The following RIMS2 variants were observed in gnomAD, a reference collection of about 807,000 sequenced individuals.
RIMS2 encodes the protein regulating synaptic membrane exocytosis protein 2.
RIMS2 carries 59 observed loss-of-function variants against 174.4 expected under a neutral mutation model. The ratio of observed to expected loss-of-function variants is 0.34; its 90% CI spans 0.27 to 0.42. The LOEUF is 0.42. RIMS2 is among the 10% of genes least tolerant of loss of function. The pLI, the probability that RIMS2 is intolerant of heterozygous loss-of-function variation, is 1.00. For synonymous variants in RIMS2, 606 were observed against 572.5 expected (o/e 1.06, Z -0.84); for missense variants, 1,620 against 1,666.3 (o/e 0.97, Z 0.48).
chr8:103,671,251 A>G (rs2096740800), intron 1 of RIMS2, among the ~76,000 whole-genome samples: 2 of 152,168 alleles, frequency 1.3e-5, no homozygotes, highest in African/African-American at 4.8e-5. Context: ...CGTGGGAATT[A>G]TGGGAGCTAC....
chr8:103,561,025 T>C (rs952043264), intron 1 of RIMS2, among the ~76,000 whole-genome samples: 1 of 152,200 alleles, frequency 6.6e-6, no homozygotes, highest in Non-Finnish European at 1.5e-5. Context: ...CTTAGGTTGG[T>C]TTTAAAATTT....
intron 3 of RIMS2, among the ~76,000 whole-genome samples, chr8:103,838,007 C>T (rs1478084064): frequency 2.0e-5 from 3 of 150,154 alleles, no homozygotes; most frequent in Non-Finnish European, 4.4e-5. Flanking sequence ...AGTGCAGTGG[C>T]AGGATCTCCA....
intron 19 of RIMS2, among the ~76,000 whole-genome samples, chr8:104,143,395 GT>G (rs1177577446): frequency 6.6e-6 from 1 of 151,776 alleles, no homozygotes; most frequent in African/African-American, 2.4e-5. Flanking sequence ...TTTTGTTGCT[GT>G]TTTTTTTCCT....
At chr8:104,157,582 C>G (rs2134438901) in intron 19 of RIMS2, among the ~76,000 whole-genome samples, 1 of 152,254 alleles carries the variant, frequency 6.6e-6, no homozygotes, top group Non-Finnish European at 1.5e-5. Flanking sequence ...CCTTAGTAAC[C>G]ACCATTTTAC....
intron 3 of RIMS2, among the ~76,000 whole-genome samples, chr8:103,825,462 T>G (rs74643414): frequency 3.3e-5 from 5 of 150,416 alleles, no homozygotes; most frequent in African/African-American, 4.9e-5. Context: ...TTTTTTTTTT[T>G]TTGTTAGAGA....
intron 19 of RIMS2, among the ~76,000 whole-genome samples, chr8:104,116,950 T>C (rs1277125084): frequency 6.6e-6 from 1 of 151,938 alleles, no homozygotes; most frequent in East Asian, 1.9e-4. Flanking sequence ...CTGAGTAACA[T>C]CAATAACTAT....
At chr8:103,883,604 A>T (rs2099181658) in intron 3 of RIMS2, among the ~76,000 whole-genome samples, 1 of 151,898 alleles carries the variant, frequency 6.6e-6, no homozygotes, top group Non-Finnish European at 1.5e-5. Flanking sequence ...AAAAAATATC[A>T]CATCCACTTT....
At chr8:103,724,664 A>C (rs2097503843) in intron 2 of RIMS2, among the ~76,000 whole-genome samples, 1 of 152,220 alleles carries the variant, frequency 6.6e-6, no homozygotes, top group Non-Finnish European at 1.5e-5. Context: ...TTTGATGTAC[A>C]ATATAAGATA....
intron 19 of RIMS2, among the ~76,000 whole-genome samples, chr8:104,174,386 G>T (rs533657098): frequency 6.7e-6 from 1 of 148,682 alleles, no homozygotes; most frequent in Non-Finnish European, 1.5e-5. Flanking sequence ...CAAGCTGAAA[G>T]ATTCTGGGCT....
At chr8:103,596,652 C>T (rs958905772) in intron 1 of RIMS2, among the ~76,000 whole-genome samples, 1 of 151,944 alleles carries the variant, frequency 6.6e-6, no homozygotes, top group Non-Finnish European at 1.5e-5. Flanking sequence ...CTACCATGTA[C>T]TCCTTGTACA....
intron 1 of RIMS2, among the ~76,000 whole-genome samples, chr8:103,553,276 A>G (rs1273190862): frequency 6.6e-6 from 1 of 152,178 alleles, no homozygotes; most frequent in East Asian, 1.9e-4. Flanking sequence ...ATTAAAAAGG[A>G]TGAATTTTTG....
intron 2 of RIMS2, among the ~76,000 whole-genome samples, chr8:103,727,062 T>A (rs2097535553): frequency 1.3e-5 from 2 of 151,828 alleles, no homozygotes. Context: ...TTAATAATTT[T>A]AAAATTATAA....
chr8:103,873,755 A>G (rs935368568), intron 3 of RIMS2, among the ~76,000 whole-genome samples: 2 of 152,116 alleles, frequency 1.3e-5, no homozygotes, highest in Non-Finnish European at 2.9e-5. Context: ...ATTTTAAAGA[A>G]ACCATATGAC....
At chr8:104,180,361 GT>G (rs796317618) in intron 19 of RIMS2, among the ~76,000 whole-genome samples, 8,101 of 139,672 alleles carry the variant, frequency 0.058, 308 homozygotes, top group African/African-American at 0.12. Flanking sequence ...TCTTAGTGAG[GT>G]TTTTTTTTTT....
At chr8:104,016,409 T>G (rs939766733) in intron 19 of RIMS2, among the ~76,000 whole-genome samples, 10 of 152,032 alleles carry the variant, frequency 6.6e-5, no homozygotes, top group African/African-American at 2.2e-4. Context: ...TATAACTTGT[T>G]GATATAAGTT....
At chr8:103,713,270 C>T (rs548762013) in intron 2 of RIMS2, among the ~76,000 whole-genome samples, 3 of 152,258 alleles carry the variant, frequency 2.0e-5, no homozygotes, top group East Asian at 1.9e-4. Context: ...CTGCCTGCCT[C>T]GGCCTCCCAA....
At chr8:103,768,628 G>A in intron 3 of RIMS2, 2 of 1,003,572 alleles carry the variant, frequency 2.0e-6, no homozygotes. Flanking sequence ...TGTAAAAAAA[G>A]GAGATAAAAA....
At chr8:103,928,579 T>C (rs915565712) in intron 11 of RIMS2, among the ~76,000 whole-genome samples, 2 of 151,320 alleles carry the variant, frequency 1.3e-5, no homozygotes, top group Admixed American at 1.3e-4. Context: ...TTAAGTAGTA[T>C]TATGCTCTCC....
At chr8:103,899,887 A>G (rs1024529002) in intron 4 of RIMS2, among the ~76,000 whole-genome samples, 1 of 151,630 alleles carries the variant, frequency 6.6e-6, no homozygotes, top group Admixed American at 6.6e-5. Context: ...ATCTTGAATT[A>G]ATTTTTGTAT....
Sources: allele counts gnomAD v4.1 joint callset (sites outside exome capture counted in the v4.1 genomes callset), GRCh38; gene constraint gnomAD v4.1.1; transcripts MANE v1.5; gene names NCBI Gene and HGNC (gene_info 2026-07-23, HGNC 2026-07-21).